KLHDC4: variants seen among roughly 807,000 people sequenced by gnomAD.
KLHDC4 encodes kelch domain-containing protein 4.
In KLHDC4, 90 loss-of-function variants were observed where a neutral mutation model predicts 62.4. The observed-to-expected ratio is 1.44, with a 90% confidence interval of 1.22 to 1.72. The LOEUF is 1.72. Among genes scored for constraint, KLHDC4 ranks in the 40% most tolerant of loss-of-function variants. KLHDC4 has a pLI of 0.00. For missense variants in KLHDC4, 1,025 were observed against 699.7 expected (o/e 1.47, Z -5.25); for synonymous variants, 386 against 284.4 (o/e 1.36, Z -3.59).
intron 7 of KLHDC4, among the ~76,000 whole-genome samples, chr16:87,721,901 T>C (rs1297785258): frequency 1.3e-5 from 2 of 151,612 alleles, no homozygotes; most frequent in African/African-American, 4.9e-5. Context: ...TGCCCATGTG[T>C]CCATGGAAAC....
chr16:87,745,359 G>A (rs1315111417), intron 5 of KLHDC4, among the ~76,000 whole-genome samples: 3 of 151,884 alleles, frequency 2.0e-5, no homozygotes, highest in Admixed American at 1.3e-4. Flanking sequence ...CGCAGCACCC[G>A]CCCCAGGGCC....
downstream of KLHDC4, among the ~76,000 whole-genome samples, chr16:87,703,881 T>C (rs2034331456): frequency 6.6e-6 from 1 of 152,144 alleles, no homozygotes; most frequent in African/African-American, 2.4e-5. Context: ...GAAAGAGTAA[T>C]GGAGGTGACT....
At chr16:87,732,280 G>C (rs984262476) in intron 5 of KLHDC4, among the ~76,000 whole-genome samples, 3 of 151,920 alleles carry the variant, frequency 2.0e-5, no homozygotes, top group African/African-American at 7.3e-5. Flanking sequence ...ATTTTTAGTA[G>C]AGATGGGGTT....
intron 7 of KLHDC4, among the ~76,000 whole-genome samples, chr16:87,723,370 G>A (rs559809604): frequency 5.0e-4 from 76 of 152,378 alleles, no homozygotes; most frequent in Non-Finnish European, 8.5e-4. Context: ...GACTGAGGGC[G>A]GGTGCACGTG....
downstream of KLHDC4, among the ~76,000 whole-genome samples, chr16:87,705,867 T>C (rs2034608359): frequency 6.6e-6 from 1 of 152,172 alleles, no homozygotes; most frequent in African/African-American, 2.4e-5. Context: ...CCAACCAGCT[T>C]AGCTGAGAGT....
intron 9 of KLHDC4, chr16:87,710,192 G>C (rs1354329684): frequency 6.3e-6 from 1 of 158,488 alleles, no homozygotes; most frequent in African/African-American, 2.4e-5. Context: ...GGAGCTCTCA[G>C]GTCAGGCTGC....
chr16:87,759,897 C>T (rs1238031164), intron 2 of KLHDC4, among the ~76,000 whole-genome samples: 3 of 152,204 alleles, frequency 2.0e-5, no homozygotes, highest in Non-Finnish European at 2.9e-5. Context: ...CCAGCGGCAC[C>T]AGCCCAGGTG....
chr16:87,713,976 C>CA (rs1487980917), intron 8 of KLHDC4, among the ~76,000 whole-genome samples: 1 of 152,076 alleles, frequency 6.6e-6, no homozygotes, highest in African/African-American at 2.4e-5. Context: ...CTGTGAGGGC[C>CA]AATAGCAGTC....
At chr16:87,733,066 C>G (rs1395230852) in intron 5 of KLHDC4, among the ~76,000 whole-genome samples, 1 of 143,054 alleles carries the variant, frequency 7.0e-6, no homozygotes, top group Admixed American at 6.8e-5. Flanking sequence ...AAATCCTATC[C>G]CAGCTTTTAT....
intron 4 of KLHDC4, among the ~76,000 whole-genome samples, chr16:87,754,538 G>T (rs760656952): frequency 2.6e-5 from 4 of 152,218 alleles, no homozygotes; most frequent in Non-Finnish European, 4.4e-5. Context: ...GCACAGGAAT[G>T]CATGTATCAT....
chr16:87,708,846 T>C (rs916726981), intron 10 of KLHDC4, among the ~76,000 whole-genome samples: 1 of 152,216 alleles, frequency 6.6e-6, no homozygotes, highest in South Asian at 2.1e-4. Context: ...AAAAACTGCA[T>C]GGTGACTCGA....
chr16:87,700,540 G>GAGGAAAGAGGGTGGAGGGAGGAGGA (rs2034088316), exon 1 of KLHDC4: 1 of 154,704 alleles, frequency 6.5e-6, no homozygotes, highest in East Asian at 2.2e-4. Flanking sequence ...AGGGAGGAGG[G>GAGGAAAGAGGGTGGAGGGAGGAGGA]CAGAAGAAGA....
chr16:87,750,774 G>T (rs528854376), intron 4 of KLHDC4: 2 of 152,282 alleles, frequency 1.3e-5, no homozygotes, highest in African/African-American at 2.4e-5. Flanking sequence ...GCCAGACAGC[G>T]GGCGCAGGTG....
chr16:87,735,044 A>G (rs529740449), intron 5 of KLHDC4, among the ~76,000 whole-genome samples: 2,986 of 83,976 alleles, frequency 0.036, 157 homozygotes, highest in African/African-American at 0.13. Flanking sequence ...CCTCCCCCCC[A>G]GACGAATTTC....
chr16:87,759,539 G>C (rs1239224132), intron 2 of KLHDC4, among the ~76,000 whole-genome samples: 4 of 152,202 alleles, frequency 2.6e-5, no homozygotes, highest in Admixed American at 2.6e-4. Context: ...CTAAGGTCGG[G>C]AGTTCAAGAC....
chr16:87,751,188 T>C (rs1249401329), intron 4 of KLHDC4, among the ~76,000 whole-genome samples: 2 of 152,210 alleles, frequency 1.3e-5, no homozygotes, highest in South Asian at 2.1e-4. Flanking sequence ...CATAGAAATA[T>C]GAACTGGCTG....
chr16:87,759,186 C>T (rs763599212), intron 2 of KLHDC4, among the ~76,000 whole-genome samples: 1 of 146,992 alleles, frequency 6.8e-6, no homozygotes, highest in Non-Finnish European at 1.5e-5. Flanking sequence ...AAAACCAAAA[C>T]CAAACAAAAA....
At chr16:87,733,132 C>T (rs1261370968) in intron 5 of KLHDC4, among the ~76,000 whole-genome samples, 1 of 151,714 alleles carries the variant, frequency 6.6e-6, no homozygotes, top group East Asian at 1.9e-4. Context: ...GGTGAAAAGG[C>T]AGGTGCAAAG....
At chr16:87,748,375 A>G (rs1597316231) in intron 5 of KLHDC4, among the ~76,000 whole-genome samples, 1 of 152,204 alleles carries the variant, frequency 6.6e-6, no homozygotes, top group Non-Finnish European at 1.5e-5. Flanking sequence ...CCAATGATGT[A>G]AACAGAAGAC....
Sources: gnomAD v4.1 joint callset for allele counts (sites outside exome capture counted in the v4.1 genomes callset) on GRCh38, gnomAD v4.1.1 for gene constraint, MANE v1.5 for transcripts, NCBI Gene and HGNC (gene_info 2026-07-23, HGNC 2026-07-21) for gene names.